The following SEPHS1 variants were observed in gnomAD, a reference collection of about 807,000 sequenced individuals.
SEPHS1 encodes the protein selenophosphate synthetase 1.
Under a neutral mutation model 39.2 loss-of-function variants are expected in SEPHS1, and 7 were observed. That is an observed-to-expected ratio of 0.18 (90% CI 0.10 to 0.34). SEPHS1 has a LOEUF of 0.34. Ranked by LOEUF, SEPHS1 falls within the 10% of genes least tolerant of loss-of-function variation. The probability of loss-of-function intolerance (pLI) is 1.00; values close to 1 mark genes in which losing one functional copy is unlikely to be tolerated. For missense variants in SEPHS1, 253 were observed against 514.5 expected (o/e 0.49, Z 4.92); for synonymous variants, 190 against 195.5 (o/e 0.97, Z 0.23).
intron 7 of SEPHS1, among the ~76,000 whole-genome samples, 187 bp from the exon 8 acceptor site, chr10:13,323,234 C>G (rs1272172102): frequency 6.6e-6 from 1 of 152,116 alleles, no homozygotes; most frequent in African/African-American, 2.4e-5. Context: ...TTTGAGCCAC[C>G]TGAAAACTAT....
At chr10:13,324,344 A>G (rs1833199611) in intron 7 of SEPHS1, among the ~76,000 whole-genome samples, 1 of 152,264 alleles carries the variant, frequency 6.6e-6, no homozygotes, top group Admixed American at 6.5e-5. Flanking sequence ...CTACTGAAGA[A>G]ATGAATGGCT....
rs368421185 is a variant in SEPHS1 at position 13,342,309 on chromosome 10, G to A, written c.193+2449C>T. On this transcript the variant is annotated intron_variant, in intron 2 of 8. Coordinates refer to ENST00000327347, the MANE Select transcript of SEPHS1 (RefSeq NM_012247.5). ...AAAAAATAAACATACAGCCGGGTGC[G>A]GTGGCTCACGCCTGTAATCCCAGCA... Among the ~76,000 whole-genome samples the A allele has an allele frequency of 2.4e-3, 360 of 151,356 alleles. 3 individuals are homozygous for A. The highest frequency in any genetic ancestry group is 3.3e-3 in the Non-Finnish European group (225 of 67,904).
intron 2 of SEPHS1, among the ~76,000 whole-genome samples, chr10:13,341,912 T>C (rs1249562326): frequency 6.7e-6 from 1 of 148,290 alleles, no homozygotes; most frequent in Non-Finnish European, 1.5e-5. Flanking sequence ...GAGGCAGAGG[T>C]TGCAGTGAGC....
chr10:13,327,700 G>T (rs1473566015), intron 7 of SEPHS1, among the ~76,000 whole-genome samples: 1 of 152,198 alleles, frequency 6.6e-6, no homozygotes, highest in African/African-American at 2.4e-5. Flanking sequence ...TCTTACACGT[G>T]CCTCAGAGGG....
intron 5 of SEPHS1, among the ~76,000 whole-genome samples, chr10:13,333,544 G>A (rs1282420006): frequency 6.6e-6 from 1 of 151,766 alleles, no homozygotes; most frequent in African/African-American, 2.4e-5. Flanking sequence ...GGGTTCAAGC[G>A]ATTCTCCTGC....
intron 1 of SEPHS1, among the ~76,000 whole-genome samples, chr10:13,347,612 G>A (rs1300895693): frequency 6.8e-6 from 1 of 147,168 alleles, no homozygotes; most frequent in East Asian, 2.0e-4. Flanking sequence ...GAGGCGGGGA[G>A]GCCCCGGAGG....
rs1286090410 is a variant in SEPHS1 at position 13,336,563 on chromosome 10, G to A, written c.298-213C>T. 1.0e-5 allele frequency: 6 copies of A among 594,176 alleles called. No individual in the cohort carries two copies. In the East Asian group the frequency reaches 1.1e-4, roughly 11 times the overall value. 36.8% of individuals were successfully genotyped at this position (594,176 alleles called of 1,614,324 possible). A position where few individuals can be genotyped will look rare whatever the true frequency, so the allele number is the denominator to read the frequency against. On this transcript the variant is annotated intron_variant, in intron 3 of 8. Coordinates refer to ENST00000327347, the MANE Select transcript of SEPHS1 (RefSeq NM_012247.5). The stretch of plus-strand genomic sequence containing the variant: ...CATTCGTTTTTTCTCAGACATTCCT[G>A]TTACCACCTCTTTCTTGTGCAGGAC...
chr10:13,338,591 G>T, intron 3 of SEPHS1, 114 bp downstream of exon 3: 2 of 779,644 alleles, frequency 2.6e-6, no homozygotes, highest in Non-Finnish European at 2.2e-6. Context: ...CAGTATAGTC[G>T]GGATATAACA....
chr10:13,336,677 G>A (rs534396072), intron 3 of SEPHS1, among the ~76,000 whole-genome samples: 1 of 152,296 alleles, frequency 6.6e-6, no homozygotes, highest in East Asian at 1.9e-4. Flanking sequence ...AGCGAATGAG[G>A]AGGAGAAGCA....
chr10:13,337,321 G>A (rs1233913953), intron 3 of SEPHS1, among the ~76,000 whole-genome samples: 2 of 152,138 alleles, frequency 1.3e-5, no homozygotes, highest in Non-Finnish European at 2.9e-5. Context: ...ATTTTATTAG[G>A]AACTTTAAAA....
At chr10:13,346,078 CATT>C (rs1833914728) in intron 1 of SEPHS1, among the ~76,000 whole-genome samples, 1 of 152,232 alleles carries the variant, frequency 6.6e-6, no homozygotes, top group African/African-American at 2.4e-5. Flanking sequence ...GTACACACAT[CATT>C]GACAAAATAT....
At position 13,336,330 on chromosome 10, in the gene SEPHS1, A is replaced by G. The variant is rs1195816637; in HGVS notation, c.318T>C (p.Asn106=). 3.7e-6 allele frequency: 6 copies of G among 1,613,684 alleles called. No individual in the cohort carries two copies. The Admixed American group carries it at 1.0e-4, about 27-fold the overall frequency. Reference sequence around the variant, plus strand: ...CCATTGCATAGAGGTCACTGAGGACATTGGCACACGCTATCCTGCCCTGGG... The same window carrying G: ...CCATTGCATAGAGGTCACTGAGGACGTTGGCACACGCTATCCTGCCCTGGG... The part of the protein sequence containing the change: ...PYMMGRIACA[N]VLSDLYAMGV... Residue 106 remains asparagine (N), a synonymous_variant, in exon 4 of 9, where the codon AAT becomes AAC. Coordinates refer to ENST00000327347, the MANE Select transcript of SEPHS1 (RefSeq NM_012247.5).
intron 2 of SEPHS1, among the ~76,000 whole-genome samples, chr10:13,339,337 G>A (rs193059009): frequency 2.0e-5 from 3 of 152,110 alleles, no homozygotes; most frequent in African/African-American, 7.2e-5. Flanking sequence ...CAGATGAAAT[G>A]AAAGGACAAA....
Position 13,319,038 on chromosome 10 carries a change from A to C in SEPHS1, c.*104T>G. 1 of 1,140,924 alleles carries C rather than the reference A, an allele frequency of 8.8e-7. No homozygotes were observed. The highest frequency in any genetic ancestry group is 1.3e-6 in the Non-Finnish European group (1 of 777,896). The allele number at this position is 1,140,924 out of a possible 1,614,324, so 70.7% of individuals were successfully genotyped here. A position where few individuals can be genotyped will look rare whatever the true frequency, so the allele number is the denominator to read the frequency against. ...TACAAACCGACCTAAGGTCACCCCG[A>C]TGTGTAGACACAATGAGATTTTTGT... On this transcript the variant is annotated 3_prime_UTR_variant, in exon 9 of 9. Coordinates refer to ENST00000327347, the MANE Select transcript of SEPHS1 (RefSeq NM_012247.5).
chr10:13,331,310 T>C (rs1833461837), intron 5 of SEPHS1, among the ~76,000 whole-genome samples: 1 of 152,260 alleles, frequency 6.6e-6, no homozygotes, highest in African/African-American at 2.4e-5. Flanking sequence ...TGCATGCGTC[T>C]TTACAGCAGC....
At chr10:13,328,514 G>T in intron 6 of SEPHS1, 64 bp from the exon 7 acceptor site, 1 of 1,172,636 alleles carries the variant, frequency 8.5e-7, no homozygotes, top group Non-Finnish European at 1.2e-6. Flanking sequence ...TTTACTTCTA[G>T]CAACTGAGAA....
chr10:13,329,901 C>G, intron 5 of SEPHS1, 113 bp from the exon 6 acceptor site: 1 of 939,388 alleles, frequency 1.1e-6, no homozygotes, highest in Non-Finnish European at 1.6e-6. Context: ...TTTGCATTTA[C>G]TTAAATTGAA....
In SEPHS1 at chr10:13,329,802, A is replaced by C; in HGVS notation, c.561-14T>G. 1 of 1,597,608 alleles carries C rather than the reference A, an allele frequency of 6.3e-7. No individual in the cohort carries two copies. Among genetic ancestry groups the C allele is most frequent in the Non-Finnish European group, 8.5e-7 (1 of 1,171,284 alleles). ...GCATTGTCTGGCCTGAAGAAAAGAAAAGGGCATGTTCTAGTCAAACTAACC... is the reference window on the plus strand; with the variant it reads ...GCATTGTCTGGCCTGAAGAAAAGAACAGGGCATGTTCTAGTCAAACTAACC... On this transcript the variant is annotated splice_polypyrimidine_tract_variant and intron_variant, in intron 5 of 8. Transcript: ENST00000327347.
Position 13,322,899 on chromosome 10 carries a change from A to G in SEPHS1, c.900T>C (p.Ala300=). Residue 300 remains alanine, a synonymous_variant, in exon 8 of 9, where the codon GCT becomes GCC. Coordinates refer to ENST00000327347, the MANE Select transcript of SEPHS1 (RefSeq NM_012247.5). ...IHNLPVLAKM[A]AVSKACGNMF... Reference sequence around the variant, plus strand: ...TGTTTCCGCAGGCCTTGCTCACCGCAGCCATCTTGGCCAGCACCGGGAGGT... The same window carrying G: ...TGTTTCCGCAGGCCTTGCTCACCGCGGCCATCTTGGCCAGCACCGGGAGGT... The G allele has an allele frequency of 1.9e-6, 3 of 1,613,952 alleles. No homozygotes were observed.
Sources: gnomAD v4.1 joint callset for allele counts (sites outside exome capture counted in the v4.1 genomes callset) on GRCh38, gnomAD v4.1.1 for gene constraint, MANE v1.5 for transcripts, NCBI Gene and HGNC (gene_info 2026-07-23, HGNC 2026-07-21) for gene names.